The following TANGO6 variants were observed in gnomAD, a reference collection of about 807,000 sequenced individuals.
TANGO6 encodes transport and golgi organization 6 homolog.
Under a neutral mutation model 114.2 loss-of-function variants are expected in TANGO6, and 90 were observed. The observed-to-expected ratio is 0.79, with a 90% CI of 0.66 to 0.94. TANGO6 has a LOEUF of 0.94. Among genes scored for constraint, TANGO6 ranks in the 40% least tolerant of loss-of-function variants. The pLI, the probability that TANGO6 is intolerant of heterozygous loss-of-function variation, is 0.00. For synonymous variants in TANGO6, 477 were observed against 509.8 expected, an observed-to-expected ratio of 0.94 and a Z score of 0.87; for missense variants, 1,274 against 1,315.3, an observed-to-expected ratio of 0.97 and a Z score of 0.49.
chr16:68,905,262 G>T (rs145168305), intron 9 of TANGO6, among the ~76,000 whole-genome samples: 27 of 151,870 alleles, frequency 1.8e-4, no homozygotes, highest in African/African-American at 6.3e-4. Context: ...GGGGCTGGGC[G>T]CAGTGGCTCA....
At position 69,040,438 on chromosome 16, in the gene TANGO6, C is replaced by T. The variant is rs1959754921; in HGVS notation, c.3108+17C>T. 5 of 1,569,632 alleles carry T rather than the reference C, an allele frequency of 3.2e-6. No homozygotes were observed. Among genetic ancestry groups the T allele is most frequent in the Non-Finnish European group, 4.3e-6 (5 of 1,154,126 alleles). ...GCTACTGAGGTCAGTCCGTCTCTCGCCCTTTGCAATTTCTCCACCTCTTTT... is the reference window on the plus strand; with the variant it reads ...GCTACTGAGGTCAGTCCGTCTCTCGTCCTTTGCAATTTCTCCACCTCTTTT... On this transcript the variant is annotated intron_variant, in intron 17 of 17. Transcript: ENST00000261778.
At chr16:69,041,394 C>T (rs1358469094) in intron 17 of TANGO6, among the ~76,000 whole-genome samples, 5 of 150,886 alleles carry the variant, frequency 3.3e-5, no homozygotes, top group Admixed American at 1.3e-4. Flanking sequence ...TGCAGTGAGC[C>T]GAGATCTTGC....
At chr16:68,929,923 T>A (rs535182178) in intron 13 of TANGO6, among the ~76,000 whole-genome samples, 1 of 152,320 alleles carries the variant, frequency 6.6e-6, no homozygotes, top group South Asian at 2.1e-4. Context: ...CACCCCGTAG[T>A]CTGTCATGCC....
intron 14 of TANGO6, among the ~76,000 whole-genome samples, chr16:68,931,818 C>A (rs1012159208): frequency 1.3e-5 from 2 of 152,118 alleles, no homozygotes; most frequent in African/African-American, 4.8e-5. Flanking sequence ...TTCCCAGATT[C>A]TTGCACAGCT....
At chr16:68,945,977 G>T (rs115212081) in intron 14 of TANGO6, among the ~76,000 whole-genome samples, 18 of 151,794 alleles carry the variant, frequency 1.2e-4, no homozygotes, top group African/African-American at 4.4e-4. Context: ...GAGCCACTGC[G>T]CCCAGCCTCT....
intron 14 of TANGO6, among the ~76,000 whole-genome samples, chr16:68,970,944 G>T (rs1963698178): frequency 6.6e-6 from 1 of 152,048 alleles, no homozygotes; most frequent in Non-Finnish European, 1.5e-5. Context: ...GATCACCTCA[G>T]GAGTTCGAGA....
chr16:69,022,232 A>T lies in TANGO6; in HGVS notation c.2843-596A>T, dbSNP rs190142384. Among the ~76,000 whole-genome samples the T allele has an allele frequency of 7.3e-3, 1,116 of 152,260 alleles. 11 individuals carry two copies. The Middle Eastern group carries it at 0.088, about 12-fold the overall frequency. ...TTTCTGTAATAAGACTCTGAAAATA[A>T]CTGCTAGTAACACTATGGGGAATAT... On this transcript the variant is annotated intron_variant, in intron 15 of 17. Transcript: ENST00000261778.
chr16:69,007,239 T>C (rs1394328879), intron 15 of TANGO6: 1 of 151,914 alleles, frequency 6.6e-6, no homozygotes. Flanking sequence ...GTTGTATTTA[T>C]ATGCCACATT....
intron 17 of TANGO6, among the ~76,000 whole-genome samples, chr16:69,079,161 A>G (rs1960428995): frequency 6.6e-6 from 1 of 151,908 alleles, no homozygotes; most frequent in Admixed American, 6.6e-5. Context: ...CCCTGTCTCT[A>G]TTTTTTAAAA....
chr16:69,001,902 C>G (rs374667669), intron 15 of TANGO6, among the ~76,000 whole-genome samples: 2 of 152,158 alleles, frequency 1.3e-5, no homozygotes, highest in East Asian at 1.9e-4. Context: ...CTGTAAGCAA[C>G]TGCCATCAGC....
At chr16:68,962,303 A>G (rs188591839) in intron 14 of TANGO6, among the ~76,000 whole-genome samples, 517 of 152,268 alleles carry the variant, frequency 3.4e-3, no homozygotes, top group Middle Eastern at 0.01. Flanking sequence ...GTTCTTTATT[A>G]TCTTTGTGAC....
Position 68,872,110 on chromosome 16 carries a change from A to G in TANGO6, c.995-3044A>G, listed in dbSNP as rs62055805. Among the ~76,000 whole-genome samples the G allele has an allele frequency of 6.8e-3, 1,024 of 151,458 alleles. 6 individuals carry two copies. The highest frequency in any genetic ancestry group is 0.014 in the Middle Eastern group (4 of 290). ...GTGGTGCGTGCCTGTAGTCCCAGCT[A>G]CTCAGGAGGCTGAGGCAGAAGAATC... On this transcript the variant is annotated intron_variant, in intron 4 of 17. Transcript: ENST00000261778.
At chr16:68,957,807 G>A (rs1040469322) in intron 14 of TANGO6, among the ~76,000 whole-genome samples, 15 of 152,082 alleles carry the variant, frequency 9.9e-5, no homozygotes, top group Admixed American at 3.9e-4. Context: ...CAGGGAATGG[G>A]AAACAACAAT....
At chr16:68,973,444 C>G (rs1963729258) in intron 14 of TANGO6, among the ~76,000 whole-genome samples, 1 of 152,148 alleles carries the variant, frequency 6.6e-6, no homozygotes, top group Non-Finnish European at 1.5e-5. Context: ...CTGGTCATCT[C>G]TCACCTCCCT....
chr16:68,987,907 A>G (rs987369429), intron 15 of TANGO6, among the ~76,000 whole-genome samples: 9 of 152,234 alleles, frequency 5.9e-5, no homozygotes, highest in African/African-American at 2.2e-4. Context: ...GTGACTAATT[A>G]TACTGAGCAA....
At chr16:69,081,428 T>G (rs1036812818) in intron 17 of TANGO6, among the ~76,000 whole-genome samples, 1 of 151,740 alleles carries the variant, frequency 6.6e-6, no homozygotes, top group Non-Finnish European at 1.5e-5. Context: ...CAGGCTGGAG[T>G]GCAGTGGCAT....
intron 17 of TANGO6, among the ~76,000 whole-genome samples, chr16:69,066,355 C>G (rs749299019): frequency 7.2e-5 from 11 of 152,086 alleles, no homozygotes; most frequent in African/African-American, 2.7e-4. Context: ...AGTGCAATGG[C>G]GTGATCTTGG....
intron 17 of TANGO6, among the ~76,000 whole-genome samples, chr16:69,072,869 CT>C (rs1960317426): frequency 6.6e-6 from 1 of 151,824 alleles, no homozygotes; most frequent in Non-Finnish European, 1.5e-5. Context: ...GTGAGTATCC[CT>C]TTTTAACAAG....
chr16:68,957,765 A>T (rs940929165), intron 14 of TANGO6, among the ~76,000 whole-genome samples: 5 of 152,216 alleles, frequency 3.3e-5, no homozygotes, highest in Non-Finnish European at 7.3e-5. Context: ...TATTATATTT[A>T]GAGAAATACA....
Sources: gnomAD v4.1 joint callset for allele counts (sites outside exome capture counted in the v4.1 genomes callset) on GRCh38, gnomAD v4.1.1 for gene constraint, MANE v1.5 for transcripts, NCBI Gene and HGNC (gene_info 2026-07-23, HGNC 2026-07-21) for gene names.